ADGRD1: variants seen among roughly 807,000 people sequenced by gnomAD.
ADGRD1 encodes the protein adhesion G protein-coupled receptor D1, also known as G-protein coupled receptor 133.
Under a neutral mutation model 113.4 loss-of-function variants are expected in ADGRD1, and 77 were observed. The observed-to-expected ratio is 0.68, with a 90% CI of 0.57 to 0.82. The LOEUF (loss-of-function observed/expected upper bound fraction) is 0.82, where lower values mean the gene tolerates loss of function less well. Among genes scored for constraint, ADGRD1 ranks in the 40% least tolerant of loss-of-function variants. ADGRD1 has a pLI of 0.00. For synonymous variants in ADGRD1, 474 were observed against 475.0 expected (o/e 1.00, Z 0.03); for missense variants, 1,036 against 1,139.1 (o/e 0.91, Z 1.30).
chr12:131,042,780 GCAGCATTCGAGC>G (rs1882271981), intron 13 of ADGRD1, among the ~76,000 whole-genome samples: 1 of 152,264 alleles, frequency 6.6e-6, no homozygotes, highest in Non-Finnish European at 1.5e-5. Context: ...GCGTGTGGGA[GCAGCATTCGAGC>G]CAGAGTTTGA....
At chr12:131,088,888 A>T (rs1447832997) in intron 15 of ADGRD1, among the ~76,000 whole-genome samples, 2 of 152,188 alleles carry the variant, frequency 1.3e-5, no homozygotes, top group Non-Finnish European at 2.9e-5. Flanking sequence ...GTGAGAGGTC[A>T]TCTGTGTGCT....
In ADGRD1 at chr12:130,984,951, TTTTC is replaced by T. The variant is rs1283792977; in HGVS notation, c.491-2138_491-2135del. 6.6e-6 allele frequency among the ~76,000 whole-genome samples: 1 copy of T among 151,782 alleles called. No individual in the cohort carries two copies. The highest frequency in any genetic ancestry group is 1.5e-5 in the Non-Finnish European group (1 of 67,972). On this transcript the variant is annotated intron_variant, in intron 5 of 24. Coordinates refer to ENST00000261654, the MANE Select transcript of ADGRD1 (RefSeq NM_198827.5). The surrounding 1 kb of genome is among the most constrained non-coding windows in gnomAD (Gnocchi z 4.1). The stretch of plus-strand genomic sequence containing the variant: ...CTTCTCTCTTTCTCTCTTTCTTTCT[TTTTC>T]TTTCTGACAGGATCTGTCATCCAGG...
At chr12:131,078,885 A>G (rs1010029112) in intron 14 of ADGRD1, among the ~76,000 whole-genome samples, 1 of 152,084 alleles carries the variant, frequency 6.6e-6, no homozygotes, top group Non-Finnish European at 1.5e-5. Context: ...AAAAATCCAC[A>G]CTTGTAGATG....
At position 130,954,541 on chromosome 12, in the gene ADGRD1, C is replaced by T. The variant is rs759583445; in HGVS notation, c.66+10C>T. On this transcript the variant is annotated intron_variant, in intron 1 of 24. Coordinates refer to ENST00000261654, the MANE Select transcript of ADGRD1 (RefSeq NM_198827.5). This position sits in a 1 kb window ranked among gnomAD's most constrained non-coding sequence, Gnocchi z 4.7. ...TTATTACAACTTTCAGGTAATGTCCCCAAGTGGCCAGGATGGCGACAGGCT... is the reference window on the plus strand; with the variant it reads ...TTATTACAACTTTCAGGTAATGTCCTCAAGTGGCCAGGATGGCGACAGGCT... 10 of 1,612,808 alleles carry T rather than the reference C, an allele frequency of 6.2e-6. No individual in the cohort carries two copies. Among genetic ancestry groups the T allele is most frequent in the Non-Finnish European group, 6.8e-6 (8 of 1,179,352 alleles).
intron 13 of ADGRD1, among the ~76,000 whole-genome samples, chr12:131,043,356 A>C (rs1243965952): frequency 6.6e-6 from 1 of 152,202 alleles, no homozygotes; most frequent in Non-Finnish European, 1.5e-5. Context: ...TGGAAACGGG[A>C]GTAGGAACCG....
At chr12:131,129,981 A>G (rs1950871712) in intron 20 of ADGRD1, among the ~76,000 whole-genome samples, 1 of 152,024 alleles carries the variant, frequency 6.6e-6, no homozygotes, top group Non-Finnish European at 1.5e-5. Context: ...TGAAATCCCC[A>G]CTCGAAGTAA....
At chr12:131,118,169 G>T (rs1441793960) in intron 18 of ADGRD1, among the ~76,000 whole-genome samples, 1 of 152,256 alleles carries the variant, frequency 6.6e-6, no homozygotes, top group Non-Finnish European at 1.5e-5. Flanking sequence ...GTGTGAACAT[G>T]TGAGTATGAG....
chr12:131,133,494 C>T (rs765051174), intron 21 of ADGRD1, among the ~76,000 whole-genome samples: 25 of 152,328 alleles, frequency 1.6e-4, no homozygotes, highest in Middle Eastern at 3.4e-3. Context: ...TAGCGTGCCC[C>T]GGGAGAGCAT....
intron 13 of ADGRD1, among the ~76,000 whole-genome samples, chr12:131,055,278 C>T (rs906465590): frequency 2.6e-5 from 4 of 152,158 alleles, no homozygotes; most frequent in Non-Finnish European, 4.4e-5. Flanking sequence ...AGGGTGCCCA[C>T]GGATTCACGT....
chr12:131,072,746 G>A (rs1270193853), intron 13 of ADGRD1, among the ~76,000 whole-genome samples: 1 of 152,238 alleles, frequency 6.6e-6, no homozygotes, highest in Admixed American at 6.5e-5. Flanking sequence ...ACTTGGGGGT[G>A]TCATGTTCCA....
chr12:131,011,501 GCACCCA>G (rs1403841643), intron 12 of ADGRD1, among the ~76,000 whole-genome samples: 2 of 152,132 alleles, frequency 1.3e-5, no homozygotes, highest in Non-Finnish European at 2.9e-5. Flanking sequence ...TGTGTGCTGA[GCACCCA>G]CTGTGTCAGG....
chr12:131,045,482 C>T (rs758255012), intron 13 of ADGRD1, among the ~76,000 whole-genome samples: 1 of 150,444 alleles, frequency 6.6e-6, no homozygotes, highest in East Asian at 2.0e-4. Context: ...CCGGGAGCTG[C>T]GGCAGGGCAG....
chr12:131,062,571 T>G (rs893454776), intron 13 of ADGRD1, among the ~76,000 whole-genome samples: 1 of 152,110 alleles, frequency 6.6e-6, no homozygotes, highest in Non-Finnish European at 1.5e-5. Context: ...CCCATACTGT[T>G]CTCATGGTAG....
At chr12:131,131,936 G>T in intron 21 of ADGRD1, 120 bp downstream of exon 21, 1 of 692,828 alleles carries the variant, frequency 1.4e-6, no homozygotes, top group South Asian at 1.7e-5. Flanking sequence ...TCCTCCACTT[G>T]CTCCGTGTCC....
intron 20 of ADGRD1, among the ~76,000 whole-genome samples, chr12:131,124,728 G>T (rs901761088): frequency 4.6e-5 from 7 of 151,824 alleles, no homozygotes; most frequent in Non-Finnish European, 1.0e-4. Flanking sequence ...GCCCCTTCTC[G>T]AATTGTTCTC....
chr12:131,081,293 T>C (rs1357946969), intron 14 of ADGRD1, among the ~76,000 whole-genome samples: 1 of 152,236 alleles, frequency 6.6e-6, no homozygotes, highest in African/African-American at 2.4e-5. Context: ...TAATCATTGG[T>C]GTGGCTGGAT....
In ADGRD1 at chr12:131,118,423, G is replaced by A. The variant is rs1255396407; in HGVS notation, c.2080G>A (p.Ala694Thr). The change falls in exon 19 of 25, where the codon GCC (alanine) becomes ACC (threonine). Residue 694 changes from alanine to threonine, a missense_variant. Physicochemically the swap from Ala to Thr is moderately conservative, Grantham distance 58. Coordinates refer to ENST00000261654, the MANE Select transcript of ADGRD1 (RefSeq NM_198827.5). ...GATCTGCATCATTTCACTGTCATTT[G>A]CCATGGACAGTTACGGAACAAGCAA... ...LLICIISLSF[A>T]MDSYGTSNNC... 6.2e-7 allele frequency: 1 copy of A among 1,612,212 alleles called. No homozygotes were observed. Among genetic ancestry groups the A allele is most frequent in the Non-Finnish European group, 8.5e-7 (1 of 1,179,336 alleles).
chr12:131,045,342 G>A (rs1489739892), intron 13 of ADGRD1, among the ~76,000 whole-genome samples: 1 of 152,208 alleles, frequency 6.6e-6, no homozygotes, highest in African/African-American at 2.4e-5. Context: ...GTCTTCTCCC[G>A]AAACCTGGTG....
At chr12:130,958,852 A>G (rs1260077125) in intron 2 of ADGRD1, among the ~76,000 whole-genome samples, 2 of 147,190 alleles carry the variant, frequency 1.4e-5, no homozygotes, top group African/African-American at 2.5e-5. Flanking sequence ...GGGCCTTTCA[A>G]TGATTTTACA....
Sources: gnomAD v4.1 joint callset for allele counts (sites outside exome capture counted in the v4.1 genomes callset) on GRCh38, gnomAD v4.1.1 for gene constraint, Gnocchi (gnomAD v3.1) non-coding constraint, MANE v1.5 for transcripts, NCBI Gene and HGNC (gene_info 2026-07-23, HGNC 2026-07-21) for gene names.